The following CHD6 variants were observed in gnomAD, a reference collection of about 807,000 sequenced individuals.
CHD6 encodes the protein chromodomain helicase DNA binding protein 6.
A neutral mutation model predicts 276.9 loss-of-function variants in CHD6; 50 were observed. The ratio of observed to expected loss-of-function variants is 0.18; its 90% CI spans 0.14 to 0.23. The LOEUF (loss-of-function observed/expected upper bound fraction) is 0.23, where lower values mean the gene tolerates loss of function less well. Ranked by LOEUF, CHD6 falls within the 10% of genes least tolerant of loss-of-function variation. The probability of loss-of-function intolerance (pLI) is 1.00; values close to 1 mark genes in which losing one functional copy is unlikely to be tolerated. For missense variants in CHD6, 2,564 were observed against 3,365.8 expected, an observed-to-expected ratio of 0.76 and a Z score of 5.89; for synonymous variants, 1,173 against 1,229.3, an observed-to-expected ratio of 0.95 and a Z score of 0.96.
rs2046597762 is a variant in CHD6 at position 41,403,928 on chromosome 20, C to T, written c.*665G>A. On this transcript the variant is annotated 3_prime_UTR_variant, in exon 37 of 37. Coordinates refer to ENST00000373233, the MANE Select transcript of CHD6 (RefSeq NM_032221.5). ...TGAGAGGGATGTATAGAAAATAATG[C>T]CTAGTCAGTCAGTATTTCTTCTTGC... 1 of 1,054,002 alleles carries T rather than the reference C, an allele frequency of 9.5e-7. No individual in the cohort carries two copies. The allele number at this position is 1,054,002 out of a possible 1,614,324, so 65.3% of individuals were successfully genotyped here. A position where few individuals can be genotyped will look rare whatever the true frequency, so the allele number is the denominator to read the frequency against.
At chr20:41,477,749 G>A (rs1031831460) in intron 16 of CHD6, among the ~76,000 whole-genome samples, 3 of 152,176 alleles carry the variant, frequency 2.0e-5, no homozygotes, top group Non-Finnish European at 2.9e-5. Flanking sequence ...TAATTTAATA[G>A]TGCAGAACAC....
chr20:41,478,957 G>A (rs898723634), intron 16 of CHD6, among the ~76,000 whole-genome samples: 13 of 152,042 alleles, frequency 8.6e-5, no homozygotes, highest in Non-Finnish European at 1.6e-4. Context: ...TTATGCTGAC[G>A]CTTAATGAAG....
Position 41,571,311 on chromosome 20 carries a change from A to G in CHD6, c.-23-19951T>C, listed in dbSNP as rs942720750. ...TCTTGGTAAGAAGAATGACAGCAAA[A>G]TGAAGAAGTGTAAGTTGCTCTACTG... On this transcript the variant is annotated intron_variant, in intron 1 of 36. Transcript: ENST00000373233. Among the ~76,000 whole-genome samples, 30 of 152,288 alleles carry G rather than the reference A, an allele frequency of 2.0e-4. 1 individual carries two copies. The highest frequency in any genetic ancestry group is 7.2e-4 in the African/African-American group (30 of 41,556).
At chr20:41,600,528 T>C (rs2045763607) in intron 1 of CHD6, among the ~76,000 whole-genome samples, 1 of 152,090 alleles carries the variant, frequency 6.6e-6, no homozygotes, top group Non-Finnish European at 1.5e-5. Flanking sequence ...CACAGGTATA[T>C]ACATATCTAA....
At chr20:41,463,529 T>C (rs12625845) in intron 17 of CHD6, among the ~76,000 whole-genome samples, 9,244 of 152,264 alleles carry the variant, frequency 0.061, 459 homozygotes, top group East Asian at 0.18. Context: ...ATGTGATATA[T>C]TGAGATGGCT....
intron 2 of CHD6, among the ~76,000 whole-genome samples, chr20:41,540,819 C>G (rs1376149290): frequency 6.6e-6 from 1 of 152,018 alleles, no homozygotes; most frequent in African/African-American, 2.4e-5. Context: ...AAATTTGCAA[C>G]CTTCTATGTT....
chr20:41,579,317 A>G (rs1334352102), intron 1 of CHD6, among the ~76,000 whole-genome samples: 1 of 148,462 alleles, frequency 6.7e-6, no homozygotes, highest in Non-Finnish European at 1.5e-5. Context: ...TCACGCCTGT[A>G]ATCCCAGCTA....
intron 17 of CHD6, among the ~76,000 whole-genome samples, chr20:41,460,748 G>A (rs561947149): frequency 6.6e-6 from 1 of 152,358 alleles, no homozygotes; most frequent in Admixed American, 6.5e-5. Context: ...ACCTCTGCTA[G>A]AGCAGTGCGG....
intron 1 of CHD6, among the ~76,000 whole-genome samples, chr20:41,617,828 C>T (rs1331298356): frequency 1.3e-5 from 2 of 151,852 alleles, no homozygotes; most frequent in Non-Finnish European, 2.9e-5. Flanking sequence ...TCCTCCACCC[C>T]TGCAAACAGA....
At chr20:41,484,279 G>C (rs2043361894) in intron 15 of CHD6, 73 bp downstream of exon 15, 1 of 1,525,536 alleles carries the variant, frequency 6.6e-7, no homozygotes, top group Non-Finnish European at 9.0e-7. Flanking sequence ...CAATACATGA[G>C]TTATTTGATT....
chr20:41,542,665 C>G (rs1230502799), intron 2 of CHD6, among the ~76,000 whole-genome samples: 2 of 151,736 alleles, frequency 1.3e-5, no homozygotes, highest in Non-Finnish European at 1.5e-5. Context: ...TGCACTCCAG[C>G]CTGGGCGACA....
chr20:41,453,521 T>G (rs1182301846), intron 20 of CHD6, among the ~76,000 whole-genome samples: 1 of 152,176 alleles, frequency 6.6e-6, no homozygotes, highest in East Asian at 1.9e-4. Flanking sequence ...TAGTCTCCAT[T>G]GCTTCCTGCT....
intron 2 of CHD6, among the ~76,000 whole-genome samples, chr20:41,547,205 A>G (rs2045058993): frequency 6.6e-6 from 1 of 152,184 alleles, no homozygotes; most frequent in Admixed American, 6.5e-5. Flanking sequence ...TTATTGTTAA[A>G]CTGAAAGATT....
intron 1 of CHD6, among the ~76,000 whole-genome samples, chr20:41,569,156 G>A (rs1487609670): frequency 6.6e-6 from 1 of 152,216 alleles, no homozygotes; most frequent in Non-Finnish European, 1.5e-5. Flanking sequence ...GGTGAATGAT[G>A]AGGCAGGTGG....
intron 1 of CHD6, among the ~76,000 whole-genome samples, chr20:41,565,280 G>C (rs560734569): frequency 6.6e-6 from 1 of 152,100 alleles, no homozygotes; most frequent in East Asian, 1.9e-4. Context: ...ATTTTTAATA[G>C]AGACGGGTTT....
In CHD6 at chr20:41,434,367, AAT is replaced by A. The variant is rs1336463093; in HGVS notation, c.4068+2905_4068+2906del. On this transcript the variant is annotated intron_variant, in intron 27 of 36. Transcript: ENST00000373233. Reference sequence around the variant, plus strand: ...CAGGGTCAATCTGCCAAGAACATGTAATTCTCTCTATACATTTTTTTGAGACA... The same window carrying A: ...CAGGGTCAATCTGCCAAGAACATGTATCTCTCTATACATTTTTTTGAGACA... Among the ~76,000 whole-genome samples, 6 of 152,250 alleles carry A rather than the reference AAT, an allele frequency of 3.9e-5. No homozygotes were observed. The East Asian group carries it at 9.6e-4, about 24-fold the overall frequency.
chr20:41,614,237 T>G (rs1185928597), intron 1 of CHD6, among the ~76,000 whole-genome samples: 6 of 152,198 alleles, frequency 3.9e-5, no homozygotes, highest in Non-Finnish European at 8.8e-5. Flanking sequence ...CTACTTATGT[T>G]TGGATTCCTG....
rs185295694 is a variant in CHD6 at position 41,572,450 on chromosome 20, T to C, written c.-23-21090A>G. On this transcript the variant is annotated intron_variant, in intron 1 of 36. Transcript: ENST00000373233. ...GGGACTCCAGGCCTCACACACACAATAGCCTCCTGATGGCCTCTGCTGGCT... is the reference window on the plus strand; with the variant it reads ...GGGACTCCAGGCCTCACACACACAACAGCCTCCTGATGGCCTCTGCTGGCT... 2.6e-5 allele frequency among the ~76,000 whole-genome samples: 4 copies of C among 152,226 alleles called. 1 individual carries two copies. Among genetic ancestry groups the C allele is most frequent in the Admixed American group, 2.6e-4 (4 of 15,298 alleles).
At chr20:41,407,283 G>T (rs1297265103) in intron 36 of CHD6, among the ~76,000 whole-genome samples, 1 of 152,180 alleles carries the variant, frequency 6.6e-6, no homozygotes, top group Non-Finnish European at 1.5e-5. Flanking sequence ...CCAGCCCACA[G>T]CCTCCTTGTC....
Sources: gnomAD v4.1 joint callset for allele counts (sites outside exome capture counted in the v4.1 genomes callset) on GRCh38, gnomAD v4.1.1 for gene constraint, MANE v1.5 for transcripts, NCBI Gene and HGNC (gene_info 2026-07-23, HGNC 2026-07-21) for gene names.